The following PCBP3 variants were observed in gnomAD, a reference collection of about 807,000 sequenced individuals.
PCBP3 encodes the protein poly(rC)-binding protein 3.
PCBP3 carries 25 observed loss-of-function variants against 52.7 expected under a neutral mutation model. That is an observed-to-expected ratio of 0.47 (90% CI 0.35 to 0.66). The LOEUF (loss-of-function observed/expected upper bound fraction) is 0.66, where lower values mean the gene tolerates loss of function less well. Ranked by LOEUF, PCBP3 falls within the 30% of genes least tolerant of loss-of-function variation. The pLI is 0.01. For missense variants in PCBP3, 391 were observed against 490.3 expected, an observed-to-expected ratio of 0.80 and a Z score of 1.91; for synonymous variants, 162 against 183.0, an observed-to-expected ratio of 0.89 and a Z score of 0.93.
rs923329168 is a variant in PCBP3 at position 45,821,359 on chromosome 21, A to AC, written c.-125-28596dup. On this transcript the variant is annotated intron_variant, in intron 4 of 17. Transcript: ENST00000681687. This position sits in a 1 kb window ranked among gnomAD's most constrained non-coding sequence, Gnocchi z 4.4. ...AGGAGGTCCTCAACTGAGGTCCAGT[A>AC]CCCCCCTGCACCACGCTGTGGGCCC... Among the ~76,000 whole-genome samples, 1 of 150,856 alleles carries AC rather than the reference A, an allele frequency of 6.6e-6. No homozygotes were observed. The highest frequency in any genetic ancestry group is 2.1e-4 in the South Asian group (1 of 4,740).
intron 1 of PCBP3, among the ~76,000 whole-genome samples, chr21:45,646,085 C>CTT (rs2079252705): frequency 3.3e-4 from 28 of 85,306 alleles, no homozygotes; most frequent in African/African-American, 1.5e-3. Context: ...CTCTCTCTTT[C>CTT]TCTCTCTCTC....
intron 2 of PCBP3, among the ~76,000 whole-genome samples, chr21:45,730,953 G>A (rs1459390840): frequency 2.6e-5 from 4 of 151,820 alleles, no homozygotes; most frequent in African/African-American, 4.8e-5. Context: ...AGCTTATAGC[G>A]TGGTCTTGTT....
At chr21:45,814,465 TGAG>T (rs2092776780) in intron 4 of PCBP3, among the ~76,000 whole-genome samples, 1 of 60,716 alleles carries the variant, frequency 1.6e-5, no homozygotes, top group Non-Finnish European at 3.2e-5. Context: ...TGGTGAGTGA[TGAG>T]TGGTGAGTGA....
intron 16 of PCBP3, among the ~76,000 whole-genome samples, chr21:45,938,641 G>A (rs1281617196): frequency 6.6e-6 from 1 of 152,182 alleles, no homozygotes; most frequent in Non-Finnish European, 1.5e-5. Context: ...GTGGGGTCTG[G>A]GAGATGTGGG....
intron 10 of PCBP3, among the ~76,000 whole-genome samples, chr21:45,910,019 GGCCCACCCACTGCCCAGATA>G (rs1232736371): frequency 1.6e-4 from 6 of 38,128 alleles, no homozygotes; most frequent in Admixed American, 3.8e-4. Context: ...ATATGGACCT[GGCCCACCCACTGCCCAGATA>G]TGGACCCCCC....
At chr21:45,824,544 G>T (rs2093254523) in intron 4 of PCBP3, among the ~76,000 whole-genome samples, 1 of 152,228 alleles carries the variant, frequency 6.6e-6, no homozygotes, top group South Asian at 2.1e-4. Context: ...TGTAGAACCA[G>T]CCTGTGTTCA....
Position 45,802,130 on chromosome 21 carries a change from A to C in PCBP3, c.-126+46678A>C, listed in dbSNP as rs1424420716. Among the ~76,000 whole-genome samples, 1 of 152,170 alleles carries C rather than the reference A, an allele frequency of 6.6e-6. No individual in the cohort carries two copies. Among genetic ancestry groups the C allele is most frequent in the Non-Finnish European group, 1.5e-5 (1 of 68,034 alleles). ...TTTACCCTCAGACCCCTTGGATGCC[A>C]TCCTGGGCAGAGGCCTTGGCCCAGT... On this transcript the variant is annotated intron_variant, in intron 4 of 17. Coordinates refer to ENST00000681687, the MANE Select transcript of PCBP3 (RefSeq NM_001384156.1). The surrounding 1 kb of genome is among the most constrained non-coding windows in gnomAD (Gnocchi z 5.1).
intron 2 of PCBP3, among the ~76,000 whole-genome samples, chr21:45,712,551 A>T (rs1334647006): frequency 4.6e-5 from 7 of 152,176 alleles, no homozygotes; most frequent in Non-Finnish European, 4.4e-5. Context: ...TCTTTCAAGT[A>T]AATTTTTACT....
chr21:45,807,151 C>T (rs1333884548), intron 4 of PCBP3, among the ~76,000 whole-genome samples: 1 of 152,146 alleles, frequency 6.6e-6, no homozygotes, highest in Admixed American at 6.5e-5. Flanking sequence ...CCTCTCTCAC[C>T]ACTCCTATTC....
intron 9 of PCBP3, among the ~76,000 whole-genome samples, chr21:45,906,218 G>A (rs2096200413): frequency 6.6e-6 from 1 of 152,318 alleles, no homozygotes; most frequent in East Asian, 1.9e-4. Flanking sequence ...TGAAGCACGT[G>A]GCTTTGGGAA....
intron 2 of PCBP3, among the ~76,000 whole-genome samples, chr21:45,688,226 C>G (rs2082264816): frequency 1.3e-5 from 2 of 152,064 alleles, no homozygotes; most frequent in Non-Finnish European, 2.9e-5. Flanking sequence ...CACCAGCAAC[C>G]AATTTGTTCT....
chr21:45,685,626 A>G (rs2082104766), intron 2 of PCBP3, among the ~76,000 whole-genome samples: 2 of 152,144 alleles, frequency 1.3e-5, no homozygotes, highest in Non-Finnish European at 2.9e-5. Context: ...CTTTCTTAGT[A>G]AAAGTACTTT....
chr21:45,649,917 G>A (rs1250543436), intron 1 of PCBP3, among the ~76,000 whole-genome samples: 1 of 151,848 alleles, frequency 6.6e-6, no homozygotes, highest in African/African-American at 2.4e-5. Flanking sequence ...TCTATACAGT[G>A]TACTTATTTA....
intron 14 of PCBP3, among the ~76,000 whole-genome samples, chr21:45,930,544 G>GCCTGGCAGTTGGGTGTCCCTC (rs2076044178): frequency 2.0e-5 from 3 of 152,206 alleles, no homozygotes; most frequent in African/African-American, 7.2e-5. Flanking sequence ...CCCCTGGCAT[G>GCCTGGCAGTTGGGTGTCCCTC]CCTGGCAGTT....
chr21:45,767,082 T>G lies in PCBP3; in HGVS notation c.-126+11630T>G, dbSNP rs532949467. Among the ~76,000 whole-genome samples the G allele has an allele frequency of 2.0e-4, 30 of 152,164 alleles. No homozygotes were observed. The South Asian group carries it at 6.0e-3, about 31-fold the overall frequency. On this transcript the variant is annotated intron_variant, in intron 4 of 17. Transcript: ENST00000681687. ...GGCATAATTCACATAACATAAACTGTGCCGTTTTCAAGTGTATAAGTCAGT... is the reference window on the plus strand; with the variant it reads ...GGCATAATTCACATAACATAAACTGGGCCGTTTTCAAGTGTATAAGTCAGT...
chr21:45,789,275 GTGAT>G (rs1603427579), intron 4 of PCBP3, among the ~76,000 whole-genome samples: 2 of 152,254 alleles, frequency 1.3e-5, no homozygotes, highest in African/African-American at 2.4e-5. Context: ...ATGTATGTGT[GTGAT>G]TGTGCACGTA....
At chr21:45,733,376 T>A (rs1006926439) in intron 2 of PCBP3, among the ~76,000 whole-genome samples, 3 of 152,106 alleles carry the variant, frequency 2.0e-5, no homozygotes, top group Non-Finnish European at 2.9e-5. Flanking sequence ...AAGCTCCACC[T>A]CCTGGGTTCA....
At chr21:45,793,431 A>T (rs2091738640) in intron 4 of PCBP3, among the ~76,000 whole-genome samples, 1 of 152,142 alleles carries the variant, frequency 6.6e-6, no homozygotes, top group African/African-American at 2.4e-5. Context: ...AGCGAGAGGA[A>T]AAGCTGAGGC....
At chr21:45,662,271 GTTTTTTTT>G (rs59220095) in intron 1 of PCBP3, among the ~76,000 whole-genome samples, 34 of 97,262 alleles carry the variant, frequency 3.5e-4, no homozygotes, top group African/African-American at 1.3e-3. Flanking sequence ...ATATACCTAA[GTTTTTTTT>G]TTTTTTTTTT....
Sources: gnomAD v4.1 joint callset for allele counts (sites outside exome capture counted in the v4.1 genomes callset) on GRCh38, gnomAD v4.1.1 for gene constraint, Gnocchi (gnomAD v3.1) non-coding constraint, MANE v1.5 for transcripts, NCBI Gene and HGNC (gene_info 2026-07-23, HGNC 2026-07-21) for gene names.